The following VPS13A variants were observed in gnomAD, a reference collection of about 807,000 sequenced individuals.
The protein encoded by VPS13A is intermembrane lipid transfer protein VPS13A.
A neutral mutation model predicts 390.9 loss-of-function variants in VPS13A; 264 were observed. That is an observed-to-expected ratio of 0.68 (90% confidence interval 0.61 to 0.75). The LOEUF is 0.75. Ranked by LOEUF, VPS13A falls within the 30% of genes least tolerant of loss-of-function variation. The probability of loss-of-function intolerance (pLI) is 0.00; values close to 1 mark genes in which losing one functional copy is unlikely to be tolerated. For synonymous variants in VPS13A, 1,231 were observed against 1,227.1 expected, an observed-to-expected ratio of 1.00 and a Z score of -0.07; for missense variants, 3,409 against 3,733.9, an observed-to-expected ratio of 0.91 and a Z score of 2.27.
At chr9:77,317,182 A>G (rs2131435706) in intron 39 of VPS13A, among the ~76,000 whole-genome samples, 1 of 152,158 alleles carries the variant, frequency 6.6e-6, no homozygotes, top group Non-Finnish European at 1.5e-5. Flanking sequence ...TGTTGCCCAA[A>G]TTTGCAAGAC....
At chr9:77,199,758 C>T (rs552123229) in intron 1 of VPS13A, among the ~76,000 whole-genome samples, 187 bp from the exon 2 acceptor site, 5 of 144,702 alleles carry the variant, frequency 3.5e-5, no homozygotes, top group African/African-American at 4.9e-5. Context: ...AAGATTTGGT[C>T]AAGCATACTC....
At chr9:77,323,560 A>C (rs1394030110) in intron 45 of VPS13A, among the ~76,000 whole-genome samples, 1 of 152,164 alleles carries the variant, frequency 6.6e-6, no homozygotes, top group Non-Finnish European at 1.5e-5. Context: ...TAGAGAAATA[A>C]AAAAATTTTA....
At chr9:77,306,414 T>TTTTGTGTGTGTGTGTG (rs1554885537) in intron 34 of VPS13A, among the ~76,000 whole-genome samples, 2 of 140,782 alleles carry the variant, frequency 1.4e-5, no homozygotes, top group African/African-American at 5.4e-5. Context: ...GTGTGTGTGT[T>TTTTGTGTGTGTGTGTG]TGTGTGTGTG....
chr9:77,179,953 A>G (rs1823908642), intron 1 of VPS13A, among the ~76,000 whole-genome samples: 1 of 152,166 alleles, frequency 6.6e-6, no homozygotes. Context: ...TTTAAATGGA[A>G]TTATATGATA....
Position 77,259,954 on chromosome 9 carries a change from G to A in VPS13A, c.2289-132G>A, listed in dbSNP as rs1825663124. 4 of 685,988 alleles carry A rather than the reference G, an allele frequency of 5.8e-6. No individual in the cohort carries two copies. The South Asian group carries it at 6.2e-5, about 11-fold the overall frequency. 42.5% of individuals were successfully genotyped at this position (685,988 alleles called of 1,614,324 possible). On this transcript the variant is annotated intron_variant, in intron 22 of 71. Transcript: ENST00000360280. ...TGAAACTGGTTAATACGGTAAGACG[G>A]AAATTGGAATAGAGATTTTTAGTGT...
chr9:77,228,329 G>T (rs1587372635), intron 17 of VPS13A, 65 bp downstream of exon 17: 1 of 1,440,702 alleles, frequency 6.9e-7, no homozygotes, highest in East Asian at 2.5e-5. Flanking sequence ...TAGACATTAG[G>T]TCACAATCTT....
At chr9:77,255,817 A>G (rs1825405395) in intron 22 of VPS13A, among the ~76,000 whole-genome samples, 1 of 152,050 alleles carries the variant, frequency 6.6e-6, no homozygotes, top group African/African-American at 2.4e-5. Context: ...CTCTCTTAAC[A>G]GCCCTTTTTG....
In VPS13A at chr9:77,416,092, A is replaced by G; in HGVS notation, c.*86A>G. The G allele has an allele frequency of 1.3e-6, 2 of 1,493,872 alleles. No individual in the cohort carries two copies. The highest frequency in any genetic ancestry group is 1.4e-5 in the African/African-American group (1 of 72,382). 92.5% of individuals were successfully genotyped at this position (1,493,872 alleles called of 1,614,324 possible). On this transcript the variant is annotated 3_prime_UTR_variant, in exon 72 of 72. Transcript: ENST00000360280. ...AAAACCTGTTTGGGAAGCATATTACAGAAATGATTTCAAGTACCCTGTATT... is the reference window on the plus strand; with the variant it reads ...AAAACCTGTTTGGGAAGCATATTACGGAAATGATTTCAAGTACCCTGTATT...
At chr9:77,206,333 A>ATATG (rs1320796699) in intron 5 of VPS13A, among the ~76,000 whole-genome samples, 2 of 149,354 alleles carry the variant, frequency 1.3e-5, no homozygotes, top group African/African-American at 4.9e-5. Context: ...TATTTTTTAT[A>ATATG]TATATATATA....
chr9:77,379,134 G>A (rs752457323), intron 67 of VPS13A, among the ~76,000 whole-genome samples: 2 of 142,366 alleles, frequency 1.4e-5, no homozygotes, highest in African/African-American at 2.6e-5. Context: ...GAGCAGTGGC[G>A]TGATTTTGGC....
At chr9:77,357,010 A>G in intron 55 of VPS13A, 143 bp downstream of exon 55, 2 of 970,604 alleles carry the variant, frequency 2.1e-6, no homozygotes, top group Non-Finnish European at 3.1e-6. Flanking sequence ...AATGTTTTAA[A>G]GAGGTGTTTA....
At chr9:77,229,586 C>T (rs574855309) in intron 17 of VPS13A, among the ~76,000 whole-genome samples, 6 of 152,254 alleles carry the variant, frequency 3.9e-5, no homozygotes, top group East Asian at 1.9e-4. Flanking sequence ...AAGGTTCATC[C>T]TGTTGTAGCA....
At chr9:77,229,005 A>G (rs955829516) in intron 17 of VPS13A, among the ~76,000 whole-genome samples, 1 of 152,210 alleles carries the variant, frequency 6.6e-6, no homozygotes, top group Non-Finnish European at 1.5e-5. Flanking sequence ...TGGGAGTACA[A>G]TTCAAGATGA....
At position 77,351,837 on chromosome 9, in the gene VPS13A, C is replaced by G. The variant is rs1831490189; in HGVS notation, c.7419+391C>G. 2.0e-5 allele frequency among the ~76,000 whole-genome samples: 3 copies of G among 152,128 alleles called. No individual in the cohort carries two copies. In the South Asian group the frequency reaches 6.2e-4, roughly 32 times the overall value. On this transcript the variant is annotated intron_variant, in intron 53 of 71. Coordinates refer to ENST00000360280, the MANE Select transcript of VPS13A (RefSeq NM_033305.3). Reference sequence around the variant, plus strand: ...TGAGCCAAGATCACGCCACTGCACTCCAGCCTGGCGACAGAGCAAGACTCC... The same window carrying G: ...TGAGCCAAGATCACGCCACTGCACTGCAGCCTGGCGACAGAGCAAGACTCC...
At chr9:77,280,136 AAT>A (rs2131342363) in intron 26 of VPS13A, 21 bp from the exon 27 acceptor site, 1 of 1,549,220 alleles carries the variant, frequency 6.5e-7, no homozygotes, top group Non-Finnish European at 8.9e-7. Context: ...ATGAAAAGAT[AAT>A]TTTTAAAAAA....
rs1835175620 is a variant in VPS13A, at chr9:77,416,554, AAGGAT to A, written c.*552_*556del. On this transcript the variant is annotated 3_prime_UTR_variant, in exon 72 of 72. Coordinates refer to ENST00000360280, the MANE Select transcript of VPS13A (RefSeq NM_033305.3). ...TGATATTATTTTCCTTTTTAATATA[AAGGAT>A]AGGTTTGAATTGTACTTAAAATGCA... 1 of 154,272 alleles carries A rather than the reference AAGGAT, an allele frequency of 6.5e-6. No homozygotes were observed. The highest frequency in any genetic ancestry group is 2.4e-5 in the African/African-American group (1 of 41,456). The allele number at this position is 154,272 out of a possible 1,614,324, so 9.6% of individuals were successfully genotyped here.
intron 35 of VPS13A, among the ~76,000 whole-genome samples, chr9:77,311,515 A>G (rs1170635197): frequency 6.6e-6 from 1 of 152,136 alleles, no homozygotes; most frequent in African/African-American, 2.4e-5. Flanking sequence ...AAAAGTGTCA[A>G]TTCACAAAGA....
intron 68 of VPS13A, chr9:77,384,883 G>A: frequency 2.1e-6 from 3 of 1,411,826 alleles, no homozygotes; most frequent in Non-Finnish European, 2.8e-6. Context: ...AGTAGGGAGG[G>A]CATCCAACAT....
intron 71 of VPS13A, among the ~76,000 whole-genome samples, chr9:77,411,718 AAGCT>A (rs1398924533): frequency 6.6e-6 from 1 of 151,140 alleles, no homozygotes; most frequent in Non-Finnish European, 1.5e-5. Context: ...ACACATTCAA[AAGCT>A]AGCAGAAGGC....
Sources: gnomAD v4.1 joint callset for allele counts (sites outside exome capture counted in the v4.1 genomes callset) on GRCh38, gnomAD v4.1.1 for gene constraint, MANE v1.5 for transcripts, NCBI Gene and HGNC (gene_info 2026-07-23, HGNC 2026-07-21) for gene names.